COL25A1: variants seen among roughly 807,000 people sequenced by gnomAD.
COL25A1 encodes the protein collagen type XXV alpha 1 chain.
Under a neutral mutation model 128.4 loss-of-function variants are expected in COL25A1, and 103 were observed. That is an observed-to-expected ratio of 0.80 (90% CI 0.68 to 0.94). The LOEUF is 0.94. COL25A1 is among the 40% of genes least tolerant of loss of function. COL25A1 has a pLI of 0.00. For missense variants in COL25A1, 745 were observed against 840.0 expected (o/e 0.89, Z 1.40); for synonymous variants, 279 against 277.2 (o/e 1.01, Z -0.06).
intron 3 of COL25A1, among the ~76,000 whole-genome samples, chr4:109,290,944 T>C (rs539510223): frequency 1.3e-5 from 2 of 152,136 alleles, no homozygotes; most frequent in Non-Finnish European, 2.9e-5. Flanking sequence ...GCTTTACTGA[T>C]AGTCTTTTTG....
chr4:109,033,039 A>G (rs1759013617), intron 5 of COL25A1, among the ~76,000 whole-genome samples: 1 of 152,242 alleles, frequency 6.6e-6, no homozygotes, highest in South Asian at 2.1e-4. Flanking sequence ...GTCCTCCATA[A>G]AGGATGGAAA....
intron 3 of COL25A1, among the ~76,000 whole-genome samples, chr4:109,063,896 T>C (rs1046461513): frequency 6.6e-6 from 1 of 152,078 alleles, no homozygotes; most frequent in African/African-American, 2.4e-5. Flanking sequence ...GAAAGTGGTG[T>C]TTTGTGAGGA....
chr4:109,001,807 A>G (rs1289027), intron 6 of COL25A1, among the ~76,000 whole-genome samples: 149,058 of 152,274 alleles, frequency 0.98, 72,971 homozygotes, highest in East Asian at 1. Context: ...TTTGCAGGTG[A>G]GGTTAAAGTC....
chr4:108,913,565 C>G (rs10025338), intron 13 of COL25A1, among the ~76,000 whole-genome samples: 3,508 of 152,130 alleles, frequency 0.023, 121 homozygotes, highest in African/African-American at 0.079. Context: ...ACCTCCAGCT[C>G]CTCTTTCATG....
At chr4:108,848,357 G>A (rs867498746) in intron 27 of COL25A1, among the ~76,000 whole-genome samples, 18 of 151,958 alleles carry the variant, frequency 1.2e-4, no homozygotes, top group Non-Finnish European at 1.2e-4. Flanking sequence ...TCTTTATTTG[G>A]GAAAAGAAAA....
chr4:109,163,202 A>C (rs1426474662), intron 3 of COL25A1, among the ~76,000 whole-genome samples: 1 of 152,186 alleles, frequency 6.6e-6, no homozygotes, highest in East Asian at 1.9e-4. Flanking sequence ...CCAGGCTAAG[A>C]CAAAAGCTAT....
chr4:109,085,533 T>C (rs1459095885), intron 3 of COL25A1, among the ~76,000 whole-genome samples: 1 of 152,162 alleles, frequency 6.6e-6, no homozygotes, highest in East Asian at 1.9e-4. Flanking sequence ...CCCTCTCCAA[T>C]GCATTAAACA....
chr4:109,131,798 C>T (rs1769236205), intron 3 of COL25A1, among the ~76,000 whole-genome samples: 1 of 152,204 alleles, frequency 6.6e-6, no homozygotes, highest in African/African-American at 2.4e-5. Context: ...TGCCCCTGAA[C>T]AGTGGCAGTG....
At chr4:108,820,719 C>CA (rs35629348) in intron 35 of COL25A1, among the ~76,000 whole-genome samples, 22,501 of 135,682 alleles carry the variant, frequency 0.17, 1,704 homozygotes, top group East Asian at 0.28. Flanking sequence ...TAACAAAAGC[C>CA]AAAAAAAAAA....
chr4:109,044,117 A>G (rs1350075433), intron 5 of COL25A1, among the ~76,000 whole-genome samples: 18 of 148,558 alleles, frequency 1.2e-4, no homozygotes, highest in South Asian at 6.4e-4. Context: ...GTGTGTGTGT[A>G]TGTATGTATA....
Position 109,077,580 on chromosome 4 carries a change from T to A in COL25A1, c.368-27401A>T, listed in dbSNP as rs568721936. ...ACTAAAAATTTTAAATAGCTATGAG[T>A]GTGTATTAGAAGCCCAATGAACACC... On this transcript the variant is annotated intron_variant, in intron 3 of 37. Coordinates refer to ENST00000399132, the MANE Select transcript of COL25A1 (RefSeq NM_198721.4). 1.1e-4 allele frequency among the ~76,000 whole-genome samples: 17 copies of A among 152,262 alleles called. No homozygotes were observed. In the East Asian group the frequency reaches 2.9e-3, roughly 26 times the overall value.
intron 26 of COL25A1, among the ~76,000 whole-genome samples, chr4:108,849,361 A>G (rs1332109242): frequency 6.6e-6 from 1 of 152,216 alleles, no homozygotes; most frequent in Non-Finnish European, 1.5e-5. Context: ...CATAAATCAG[A>G]TATCTTAATG....
intron 3 of COL25A1, among the ~76,000 whole-genome samples, chr4:109,116,430 G>C (rs1385059656): frequency 6.6e-6 from 1 of 151,980 alleles, no homozygotes. Context: ...CCTACTTAAG[G>C]GAAAGGGGAA....
chr4:109,062,530 T>C (rs1370634285), intron 3 of COL25A1, among the ~76,000 whole-genome samples: 1 of 152,180 alleles, frequency 6.6e-6, no homozygotes, highest in Non-Finnish European at 1.5e-5. Flanking sequence ...ACACAAAAGA[T>C]GTATTGAATA....
chr4:109,230,170 T>C (rs1361886541), intron 3 of COL25A1, among the ~76,000 whole-genome samples: 1 of 152,156 alleles, frequency 6.6e-6, no homozygotes, highest in Non-Finnish European at 1.5e-5. Context: ...ACATGGGATT[T>C]AGGTGGGGAC....
chr4:108,909,845 C>G (rs1406592050), intron 13 of COL25A1, among the ~76,000 whole-genome samples: 2 of 152,192 alleles, frequency 1.3e-5, no homozygotes, highest in Non-Finnish European at 2.9e-5. Context: ...TCTTCCCATC[C>G]TCTTTGTCTC....
intron 3 of COL25A1, among the ~76,000 whole-genome samples, chr4:109,054,188 A>T (rs976576270): frequency 6.6e-6 from 1 of 152,240 alleles, no homozygotes; most frequent in African/African-American, 2.4e-5. Flanking sequence ...ACTATATGTG[A>T]ACAAGATTGC....
intron 3 of COL25A1, among the ~76,000 whole-genome samples, chr4:109,120,223 C>A (rs569786384): frequency 6.6e-6 from 1 of 152,158 alleles, no homozygotes; most frequent in East Asian, 1.9e-4. Flanking sequence ...AGGAACAAGG[C>A]AAGATGTCTC....
intron 3 of COL25A1, among the ~76,000 whole-genome samples, chr4:109,086,982 T>C (rs1764450971): frequency 6.6e-6 from 1 of 152,082 alleles, no homozygotes; most frequent in South Asian, 2.1e-4. Flanking sequence ...AAGAAAAGGG[T>C]CAACAGACAG....
Sources: allele counts gnomAD v4.1 joint callset (sites outside exome capture counted in the v4.1 genomes callset), GRCh38; gene constraint gnomAD v4.1.1; transcripts MANE v1.5; gene names NCBI Gene and HGNC (gene_info 2026-07-23, HGNC 2026-07-21).